The following UBTD1 variants were observed in gnomAD, a reference collection of about 807,000 sequenced individuals.
UBTD1 encodes ubiquitin domain-containing protein 1.
In UBTD1, 19 loss-of-function variants were observed where a neutral mutation model predicts 21.7. That is an observed-to-expected ratio of 0.87 (90% CI 0.61 to 1.28). The LOEUF (loss-of-function observed/expected upper bound fraction) is 1.28. Among genes scored for constraint, UBTD1 ranks in the 50% most tolerant of loss-of-function variants. The pLI is 0.00. For missense variants in UBTD1, 282 were observed against 315.1 expected (o/e 0.89, Z 0.80); for synonymous variants, 116 against 135.1 (o/e 0.86, Z 0.98).
chr10:97,515,837 G>C (rs1195457857), intron 1 of UBTD1, among the ~76,000 whole-genome samples: 1 of 152,156 alleles, frequency 6.6e-6, no homozygotes, highest in East Asian at 1.9e-4. Context: ...TCCAGCCAAG[G>C]GATGGGGTCA....
At chr10:97,517,778 C>T (rs1485159304) in intron 1 of UBTD1, among the ~76,000 whole-genome samples, 1 of 152,124 alleles carries the variant, frequency 6.6e-6, no homozygotes, top group African/African-American at 2.4e-5. Flanking sequence ...ACAGCAGGTG[C>T]CCAGGCCTCA....
intron 1 of UBTD1, among the ~76,000 whole-genome samples, chr10:97,552,699 G>A (rs1452424807): frequency 6.6e-6 from 1 of 152,008 alleles, no homozygotes; most frequent in African/African-American, 2.4e-5. Context: ...CACCACACCT[G>A]GCCAATACAT....
rs1487893369 is a variant in UBTD1 at position 97,570,089 on chromosome 10, AT to A, written c.299-48del. 2 of 1,554,916 alleles carry A rather than the reference AT, an allele frequency of 1.3e-6. No homozygotes were observed. The highest frequency in any genetic ancestry group is 1.7e-6 in the Non-Finnish European group (2 of 1,149,276). On this transcript the variant is annotated intron_variant, in intron 2 of 2. Coordinates refer to ENST00000370664, the MANE Select transcript of UBTD1 (RefSeq NM_024954.5). The surrounding 1 kb of genome is among the most constrained non-coding windows in gnomAD (Gnocchi z 6.6). ...TTGGGGGGACCCAAACATTTAATCC[AT>A]GATAGTGGATCCCCAAGCTGACTCT...
intron 1 of UBTD1, among the ~76,000 whole-genome samples, chr10:97,527,340 C>T (rs2135667137): frequency 6.6e-6 from 1 of 151,892 alleles, no homozygotes; most frequent in Admixed American, 6.6e-5. Flanking sequence ...AAAAAGAGTG[C>T]CTATCCTTCC....
chr10:97,531,089 T>G (rs745365292), intron 1 of UBTD1, among the ~76,000 whole-genome samples: 5 of 151,724 alleles, frequency 3.3e-5, no homozygotes, highest in South Asian at 2.1e-4. Context: ...GGGTTTCACC[T>G]TGTTAGCCAG....
chr10:97,536,465 C>G (rs144289527), intron 1 of UBTD1, among the ~76,000 whole-genome samples: 1 of 152,102 alleles, frequency 6.6e-6, no homozygotes, highest in Non-Finnish European at 1.5e-5. Context: ...CTGTGGGTAC[C>G]CCAGCTAGTG....
chr10:97,528,682 CA>C (rs1432204418), intron 1 of UBTD1, among the ~76,000 whole-genome samples: 1 of 44,346 alleles, frequency 2.3e-5, no homozygotes, highest in Non-Finnish European at 4.9e-5. Context: ...TGACCCCCCC[CA>C]CCTCCCTCCC....
chr10:97,566,288 A>G (rs2040716801), intron 1 of UBTD1, among the ~76,000 whole-genome samples: 1 of 145,736 alleles, frequency 6.9e-6, no homozygotes, highest in Non-Finnish European at 1.5e-5. Flanking sequence ...TTTTTTTTTA[A>G]AACTATTACC....
chr10:97,556,621 G>A (rs1328616342), intron 1 of UBTD1, among the ~76,000 whole-genome samples: 1 of 152,190 alleles, frequency 6.6e-6, no homozygotes. Context: ...ATCACCTATG[G>A]CTATGCTTCG....
chr10:97,563,758 A>G (rs2040704556), intron 1 of UBTD1, among the ~76,000 whole-genome samples: 1 of 152,090 alleles, frequency 6.6e-6, no homozygotes, highest in Non-Finnish European at 1.5e-5. Context: ...TAGACAGAAG[A>G]TAGGAGGGAT....
rs1397650493 is a variant in UBTD1, at chr10:97,522,398, A to G, written c.70+23125A>G. Among the ~76,000 whole-genome samples the G allele has an allele frequency of 2.0e-5, 3 of 152,222 alleles. No homozygotes were observed. The East Asian group carries it at 5.8e-4, about 29-fold the overall frequency. ...ATCAGTGTGAACTTGGCTGAGCCCA[A>G]GTGTGCTTCCTTTGTGTCTCTCACT... On this transcript the variant is annotated intron_variant, in intron 1 of 2. Transcript: ENST00000370664.
At chr10:97,530,180 A>T (rs550100909) in intron 1 of UBTD1, among the ~76,000 whole-genome samples, 2 of 151,380 alleles carry the variant, frequency 1.3e-5, no homozygotes, top group Non-Finnish European at 2.9e-5. Flanking sequence ...GGTGCATACT[A>T]GAAGCTCAAT....
At chr10:97,568,217 T>C (rs1374525317) in intron 2 of UBTD1, 76 bp downstream of exon 2, 4 of 1,501,712 alleles carry the variant, frequency 2.7e-6, no homozygotes, top group Admixed American at 3.5e-5. Flanking sequence ...TGTTGAGGAG[T>C]GTGGAGCGGT....
intron 1 of UBTD1, among the ~76,000 whole-genome samples, chr10:97,503,570 G>A (rs1223878006): frequency 1.3e-5 from 2 of 152,234 alleles, no homozygotes; most frequent in African/African-American, 4.8e-5. Flanking sequence ...GCTCGGGGTG[G>A]ACAGACCCAG....
chr10:97,534,579 G>GCGCGCACACA (rs930248767), intron 1 of UBTD1, among the ~76,000 whole-genome samples: 41 of 145,360 alleles, frequency 2.8e-4, no homozygotes, highest in African/African-American at 1.1e-3. Flanking sequence ...ACGCGCGCGC[G>GCGCGCACACA]CACACACACA....
chr10:97,528,344 G>A (rs1293367946), intron 1 of UBTD1, among the ~76,000 whole-genome samples: 4 of 128,692 alleles, frequency 3.1e-5, no homozygotes, highest in Admixed American at 7.4e-5. Context: ...CTCGCCTGGC[G>A]GGGGGCTGAC....
intron 1 of UBTD1, among the ~76,000 whole-genome samples, chr10:97,517,292 G>A (rs1241309902): frequency 2.6e-5 from 4 of 152,152 alleles, no homozygotes; most frequent in African/African-American, 2.4e-5. Context: ...GCAGCTAGAG[G>A]AGTGGAGCGC....
At chr10:97,530,917 T>A (rs1375976895) in intron 1 of UBTD1, among the ~76,000 whole-genome samples, 1 of 152,120 alleles carries the variant, frequency 6.6e-6, no homozygotes, top group Non-Finnish European at 1.5e-5. Flanking sequence ...AGACGGAGTC[T>A]GGCTCTGTTG....
intron 1 of UBTD1, among the ~76,000 whole-genome samples, chr10:97,516,470 C>T (rs943712721): frequency 9.2e-5 from 14 of 152,170 alleles, no homozygotes; most frequent in Admixed American, 3.3e-4. Context: ...TTGGGCAGGG[C>T]AGACATTAGA....
Sources: allele counts gnomAD v4.1 joint callset (sites outside exome capture counted in the v4.1 genomes callset), GRCh38; gene constraint gnomAD v4.1.1; non-coding constraint Gnocchi (gnomAD v3.1); transcripts MANE v1.5; gene names NCBI Gene and HGNC (gene_info 2026-07-23, HGNC 2026-07-21).